The following ZMYM4 variants were observed in gnomAD, a reference collection of about 807,000 sequenced individuals.
ZMYM4 encodes the protein zinc finger MYM-type containing 4, also known as zinc finger MYM-type protein 4.
Under a neutral mutation model 183.2 loss-of-function variants are expected in ZMYM4, and 31 were observed. The observed-to-expected ratio is 0.17, with a 90% confidence interval of 0.13 to 0.23. The LOEUF (loss-of-function observed/expected upper bound fraction) is 0.23, where lower values mean the gene tolerates loss of function less well. Ranked by LOEUF, ZMYM4 falls within the 10% of genes least tolerant of loss-of-function variation. The pLI, the probability that ZMYM4 is intolerant of heterozygous loss-of-function variation, is 1.00. For synonymous variants in ZMYM4, 592 were observed against 631.2 expected (o/e 0.94, Z 0.93); for missense variants, 1,273 against 1,840.3 (o/e 0.69, Z 5.64).
At chr1:35,406,477 C>T (rs1458054051) in intron 25 of ZMYM4, among the ~76,000 whole-genome samples, 1 of 152,104 alleles carries the variant, frequency 6.6e-6, no homozygotes, top group Non-Finnish European at 1.5e-5. Flanking sequence ...GCTATGATTG[C>T]ACCACTGCAC....
intron 26 of ZMYM4, among the ~76,000 whole-genome samples, chr1:35,408,625 T>C (rs2149031795): frequency 1.3e-5 from 2 of 152,214 alleles, no homozygotes; most frequent in Middle Eastern, 3.4e-3. Context: ...CACTCCCAGC[T>C]ACTCAGGAGA....
chr1:35,416,842 G>T (rs1640135141), intron 28 of ZMYM4, among the ~76,000 whole-genome samples: 1 of 152,190 alleles, frequency 6.6e-6, no homozygotes, highest in Non-Finnish European at 1.5e-5. Flanking sequence ...GGGATTACAG[G>T]CGTGAGCCAC....
At chr1:35,367,220 A>ATT (rs200690605) in intron 5 of ZMYM4, among the ~76,000 whole-genome samples, 2 of 145,608 alleles carry the variant, frequency 1.4e-5, no homozygotes, top group African/African-American at 2.5e-5. Flanking sequence ...CAATTAATTA[A>ATT]TTTTTTTTTT....
At chr1:35,298,885 T>C (rs1307224640) in intron 1 of ZMYM4, among the ~76,000 whole-genome samples, 2 of 152,196 alleles carry the variant, frequency 1.3e-5, no homozygotes, top group East Asian at 3.8e-4. Flanking sequence ...ATTGCCATAC[T>C]CTTTACTTAG....
intron 9 of ZMYM4, among the ~76,000 whole-genome samples, chr1:35,384,024 T>G (rs1644522129): frequency 6.6e-6 from 1 of 152,236 alleles, no homozygotes; most frequent in Non-Finnish European, 1.5e-5. Context: ...CTACCTTCCT[T>G]TCTTCCTTAT....
At chr1:35,333,155 G>A (rs574005682) in intron 2 of ZMYM4, among the ~76,000 whole-genome samples, 14 of 151,996 alleles carry the variant, frequency 9.2e-5, no homozygotes, top group Admixed American at 8.5e-4. Context: ...CCATAAAATA[G>A]CTTTAAAAAT....
chr1:35,370,338 ATTTTTTTTT>A (rs35122134), intron 6 of ZMYM4, 25 bp from the exon 7 acceptor site: 250 of 1,129,094 alleles, frequency 2.2e-4, no homozygotes, highest in Non-Finnish European at 2.5e-4. Context: ...TTTTCTTTCA[ATTTTTTTTT>A]TTTTTTTTTT....
chr1:35,308,096 A>G lies in ZMYM4; in HGVS notation c.40-17264A>G, dbSNP rs760152306. Among the ~76,000 whole-genome samples the G allele has an allele frequency of 6.1e-4, 93 of 152,124 alleles. 1 individual carries two copies. The highest frequency in any genetic ancestry group is 1.2e-3 in the Non-Finnish European group (85 of 68,016). ...AACCTCCACCTCCTGGGTTCAAGCA[A>G]TTATCCTGCCTCAGCCTCCTGCGTA... On this transcript the variant is annotated intron_variant, in intron 1 of 29. Transcript: ENST00000314607.
Position 35,370,010 on chromosome 1 carries a change from A to T in ZMYM4, c.841-19A>T, listed in dbSNP as rs780355144. On this transcript the variant is annotated intron_variant, in intron 5 of 29. Coordinates refer to ENST00000314607, the MANE Select transcript of ZMYM4 (RefSeq NM_005095.3). ...TATTCTTTTCTCTATGTATTTATTTATTTTTTTCTTCTTTAAAGGAGTATA... is the reference window on the plus strand; with the variant it reads ...TATTCTTTTCTCTATGTATTTATTTTTTTTTTTCTTCTTTAAAGGAGTATA... 6.4e-7 allele frequency: 1 copy of T among 1,569,088 alleles called. No individual in the cohort carries two copies. The highest frequency in any genetic ancestry group is 1.7e-5 in the Admixed American group (1 of 58,246).
chr1:35,354,309 AT>A (rs1198307470), intron 2 of ZMYM4, among the ~76,000 whole-genome samples: 1 of 152,220 alleles, frequency 6.6e-6, no homozygotes, highest in Non-Finnish European at 1.5e-5. Flanking sequence ...CATTAGAGGT[AT>A]GTACTATAAT....
At chr1:35,323,366 G>A (rs892813723) in intron 1 of ZMYM4, among the ~76,000 whole-genome samples, 11 of 152,138 alleles carry the variant, frequency 7.2e-5, no homozygotes, top group African/African-American at 2.2e-4. Context: ...GCTCTAGGGG[G>A]ATAGAGAGTC....
chr1:35,281,580 C>G (rs1028467972), intron 1 of ZMYM4, among the ~76,000 whole-genome samples: 5 of 151,850 alleles, frequency 3.3e-5, no homozygotes, highest in African/African-American at 1.2e-4. Context: ...ACACCGTATA[C>G]ATACGTGTGT....
chr1:35,388,152 A>G (rs1353786686), intron 13 of ZMYM4, among the ~76,000 whole-genome samples: 2 of 152,218 alleles, frequency 1.3e-5, no homozygotes, highest in East Asian at 1.9e-4. Context: ...GAAGAAATAC[A>G]TTTACACTGT....
intron 1 of ZMYM4, among the ~76,000 whole-genome samples, chr1:35,307,727 G>A (rs1249946407): frequency 6.6e-6 from 1 of 151,266 alleles, no homozygotes; most frequent in African/African-American, 2.4e-5. Context: ...GTAGAGACAG[G>A]GTTTCACCGT....
rs757321164 is a variant in ZMYM4, at chr1:35,381,571, A to G, written c.1382A>G (p.Asn461Ser). 5 of 1,614,098 alleles carry G rather than the reference A, an allele frequency of 3.1e-6. No homozygotes were observed. In the South Asian group the frequency reaches 3.3e-5, roughly 11 times the overall value. Residue 461 changes from asparagine (N) to serine (S), a missense_variant, in exon 9 of 30, where the codon AAT becomes AGT. Asn to Ser is a conservative substitution (Grantham distance 46). Transcript: ENST00000314607. ...ATTCGACATGAAGTTAATTACCAGA[A>G]TGTGGTCCATAAACTTTGCAGTGAT... Reference protein sequence around the residue: ...AVIRHEVNYQNVVHKLCSDAC... With the variant: ...AVIRHEVNYQSVVHKLCSDAC...
In ZMYM4 at chr1:35,392,316, G is replaced by T. The variant is rs1192377347; in HGVS notation, c.2692G>T (p.Ala898Ser). ...AGTATCATTGGCAAGTGCCCCTGCTGCTCAGCCTACAGTGAATTCTAACAG... is the reference window on the plus strand; with the variant it reads ...AGTATCATTGGCAAGTGCCCCTGCTTCTCAGCCTACAGTGAATTCTAACAG... Reference protein sequence around the residue: ...NVVSLASAPAAQPTVNSNSVL... With the variant: ...NVVSLASAPASQPTVNSNSVL... Residue 898 changes from alanine to serine, a missense_variant, in exon 16 of 30, where the codon GCT becomes TCT. Around this residue, in one of 6 missense-constraint regions of ZMYM4, gnomAD observed 290 missense variants for 353.3 expected, o/e 0.82. Coordinates refer to ENST00000314607, the MANE Select transcript of ZMYM4 (RefSeq NM_005095.3). 6.8e-6 allele frequency: 11 copies of T among 1,614,074 alleles called. No individual in the cohort carries two copies. The highest frequency in any genetic ancestry group is 9.3e-6 in the Non-Finnish European group (11 of 1,180,038).
At chr1:35,359,659 C>T (rs1001772478) in intron 3 of ZMYM4, among the ~76,000 whole-genome samples, 4 of 151,860 alleles carry the variant, frequency 2.6e-5, no homozygotes, top group African/African-American at 9.7e-5. Context: ...AGCTCTAAAC[C>T]TCATTTCTCC....
intron 19 of ZMYM4, chr1:35,397,131 T>C: frequency 9.1e-7 from 1 of 1,097,136 alleles, no homozygotes; most frequent in South Asian, 4.4e-5. Flanking sequence ...AATGCAAGTG[T>C]ATTATAGAAT....
rs755795539 is a variant in ZMYM4, at chr1:35,399,062, G to A, written c.3433+19G>A. The A allele has an allele frequency of 1.2e-6, 2 of 1,610,246 alleles. No individual in the cohort carries two copies. The highest frequency in any genetic ancestry group is 1.3e-5 in the African/African-American group (1 of 74,706). On this transcript the variant is annotated intron_variant, in intron 22 of 29. Transcript: ENST00000314607. ...CCATCAGGTTTGTGTACAGTAACCTGTCCACTGAAAGCTTTTTATTTTAAA... is the reference window on the plus strand; with the variant it reads ...CCATCAGGTTTGTGTACAGTAACCTATCCACTGAAAGCTTTTTATTTTAAA...
Sources: allele counts gnomAD v4.1 joint callset (sites outside exome capture counted in the v4.1 genomes callset), GRCh38; gene constraint gnomAD v4.1.1; regional missense constraint gnomAD v4.1.1; transcripts MANE v1.5; gene names NCBI Gene and HGNC (gene_info 2026-07-23, HGNC 2026-07-21).